Variants in HYDIN observed in about 807,000 individuals in gnomAD.
The protein encoded by HYDIN is axonemal central pair apparatus protein HYDIN.
In HYDIN, 132 loss-of-function variants were observed where a neutral mutation model predicts 403.9. The ratio of observed to expected loss-of-function variants is 0.33; its 90% CI spans 0.28 to 0.38. HYDIN has a LOEUF of 0.38. HYDIN is among the 10% of genes least tolerant of loss of function. The pLI is 1.00. For missense variants in HYDIN, 2,827 were observed against 5,009.5 expected (o/e 0.56, Z 13.15); for synonymous variants, 1,202 against 1,891.7 (o/e 0.64, Z 9.46).
At position 70,981,585 on chromosome 16, in the gene HYDIN, C is replaced by T; in HGVS notation, c.4333-17G>A. The T allele has an allele frequency of 6.2e-7, 1 of 1,605,298 alleles. No homozygotes were observed. On this transcript the variant is annotated splice_polypyrimidine_tract_variant and intron_variant, in intron 28 of 85. Transcript: ENST00000393567. ...GATAAAGCCCTACGCGGTAGAAAGA[C>T]CAGAAAAGGGAAAACGAATGTGCTA...
intron 1 of HYDIN, chr16:71,203,583 G>T (rs1557761): frequency 0.36 from 135,148 of 377,990 alleles, 25,475 homozygotes; most frequent in East Asian, 0.58. Context: ...CAAGCACAGT[G>T]AAGTATGCTT....
In HYDIN at chr16:71,178,941, C is replaced by T; in HGVS notation, c.368G>A (p.Arg123Lys). The T allele has an allele frequency of 1.2e-6, 2 of 1,611,790 alleles. No individual in the cohort carries two copies. The highest frequency in any genetic ancestry group is 2.2e-5 in the South Asian group (2 of 90,728). The change falls in exon 4 of 86, where the codon AGG becomes AAG. Residue 123 changes from arginine to lysine, a missense_variant. By Grantham distance (26) the Arg-to-Lys change is conservative. Transcript: ENST00000393567. ...CEVYEVPLIL[R>K]NNDKIPRLVK... ...GAACATACTCACTTTGTCATTGTTC[C>T]TCAAAATCAGTGGAACTTCATAGAC...
chr16:70,829,392 CCTGG>C (rs2036809445), intron 81 of HYDIN, among the ~76,000 whole-genome samples: 1 of 149,834 alleles, frequency 6.7e-6, no homozygotes, highest in African/African-American at 2.5e-5. Context: ...CACCACCATG[CCTGG>C]CTAATTTTTG....
chr16:71,205,851 C>T (rs1429852706), intron 1 of HYDIN, among the ~76,000 whole-genome samples: 3 of 152,212 alleles, frequency 2.0e-5, no homozygotes, highest in Non-Finnish European at 4.4e-5. Context: ...AGTAGAGCTT[C>T]TAGCCCAGCA....
intron 45 of HYDIN, among the ~76,000 whole-genome samples, chr16:70,923,443 C>T (rs1270106805): frequency 7.8e-6 from 1 of 128,402 alleles, no homozygotes; most frequent in Non-Finnish European, 1.6e-5. Context: ...ACTCCAGCCT[C>T]GGCAACAAGA....
chr16:71,186,964 T>C (rs934797259), intron 1 of HYDIN, 46 bp from the exon 2 acceptor site: 8 of 1,327,340 alleles, frequency 6.0e-6, no homozygotes, highest in African/African-American at 4.4e-5. Context: ...AGTTAATTCC[T>C]GAATACAGGT....
chr16:70,930,420 G>C (rs1228734357), intron 45 of HYDIN, among the ~76,000 whole-genome samples: 2 of 152,100 alleles, frequency 1.3e-5, no homozygotes, highest in East Asian at 1.9e-4. Flanking sequence ...GGCGGAGGTT[G>C]CAGTGAGCCA....
intron 18 of HYDIN, among the ~76,000 whole-genome samples, chr16:71,052,498 T>C (rs1214053656): frequency 1.3e-5 from 2 of 150,720 alleles, no homozygotes; most frequent in Non-Finnish European, 2.9e-5. Context: ...ATTAAAGACA[T>C]GAAAAATAGG....
chr16:71,199,086 G>A (rs1004583791), intron 1 of HYDIN, among the ~76,000 whole-genome samples: 7 of 152,092 alleles, frequency 4.6e-5, no homozygotes, highest in Middle Eastern at 3.2e-3. Flanking sequence ...CTAATGAGAC[G>A]GCGTATCTTT....
At chr16:71,183,430 A>C (rs945592835) in intron 3 of HYDIN, among the ~76,000 whole-genome samples, 1 of 152,134 alleles carries the variant, frequency 6.6e-6, no homozygotes, top group Non-Finnish European at 1.5e-5. Context: ...CTTTCTAAAA[A>C]TAAAATAAAG....
At chr16:70,829,883 C>T in intron 80 of HYDIN, 53 bp from the exon 81 acceptor site, 1 of 1,523,236 alleles carries the variant, frequency 6.6e-7, no homozygotes. Flanking sequence ...TGGTCCGTCT[C>T]CAGGGCCAGA....
chr16:71,137,636 A>G (rs2084982195), intron 7 of HYDIN, among the ~76,000 whole-genome samples: 1 of 152,132 alleles, frequency 6.6e-6, no homozygotes, highest in Non-Finnish European at 1.5e-5. Context: ...TTTTGTAAAT[A>G]GCTTTCAATC....
chr16:71,074,410 C>T lies in HYDIN; in HGVS notation c.1739-4908G>A, dbSNP rs1395411964. Among the ~76,000 whole-genome samples the T allele has an allele frequency of 9.9e-5, 15 of 151,238 alleles. No homozygotes were observed. In the East Asian group the frequency reaches 2.1e-3, roughly 22 times the overall value. On this transcript the variant is annotated intron_variant, in intron 13 of 85. Coordinates refer to ENST00000393567, the MANE Select transcript of HYDIN (RefSeq NM_001270974.2). Reference sequence around the variant, plus strand: ...AGAAAGTTTCAAATGTGGCCAGGCACGGTGGCTCACACCTGTAATCCCAGC... The same window carrying T: ...AGAAAGTTTCAAATGTGGCCAGGCATGGTGGCTCACACCTGTAATCCCAGC...
chr16:71,019,330 T>C (rs1400035859), intron 22 of HYDIN, among the ~76,000 whole-genome samples: 1 of 152,266 alleles, frequency 6.6e-6, no homozygotes, highest in Non-Finnish European at 1.5e-5. Flanking sequence ...CACCTCATCT[T>C]TCCACTGGGC....
chr16:70,841,300 C>G (rs1351545487), intron 75 of HYDIN, among the ~76,000 whole-genome samples: 1 of 152,056 alleles, frequency 6.6e-6, no homozygotes, highest in East Asian at 1.9e-4. Flanking sequence ...CTTCTGCCAA[C>G]CAGAGTAGAA....
intron 1 of HYDIN, among the ~76,000 whole-genome samples, chr16:71,195,186 A>G (rs235990): frequency 0.69 from 105,147 of 152,012 alleles, 38,157 homozygotes; most frequent in African/African-American, 0.91. Flanking sequence ...TGTTTGTAAA[A>G]GACTTCACTT....
intron 45 of HYDIN, among the ~76,000 whole-genome samples, chr16:70,921,779 A>G (rs531982349): frequency 2.4e-3 from 366 of 152,366 alleles, no homozygotes; most frequent in Middle Eastern, 0.014. Flanking sequence ...CCACACATGT[A>G]TTGTATACAA....
rs910136753 is a variant in HYDIN at position 70,809,184 on chromosome 16, G to C, written c.14883+599C>G. On this transcript the variant is annotated intron_variant, in intron 85 of 85. Transcript: ENST00000393567. ...CCCACCTGAGCCTCCCAAAGTGCTAGGATTGCAGATGTGAACCACTGTGTC... is the reference window on the plus strand; with the variant it reads ...CCCACCTGAGCCTCCCAAAGTGCTACGATTGCAGATGTGAACCACTGTGTC... Among the ~76,000 whole-genome samples the C allele has an allele frequency of 1.1e-4, 16 of 152,304 alleles. No homozygotes were observed. In the South Asian group the frequency reaches 2.7e-3, roughly 26 times the overall value.
At chr16:71,073,836 A>G (rs1355926445) in intron 13 of HYDIN, among the ~76,000 whole-genome samples, 2 of 152,152 alleles carry the variant, frequency 1.3e-5, no homozygotes, top group Non-Finnish European at 2.9e-5. Flanking sequence ...CAATTCTATT[A>G]TCTGACTCTC....
Sources: allele counts gnomAD v4.1 joint callset (sites outside exome capture counted in the v4.1 genomes callset), GRCh38; gene constraint gnomAD v4.1.1; transcripts MANE v1.5; gene names NCBI Gene and HGNC (gene_info 2026-07-23, HGNC 2026-07-21).